The following MAP3K5 variants were observed in gnomAD, a reference collection of about 807,000 sequenced individuals.
MAP3K5 encodes mitogen-activated protein kinase kinase kinase 5, also known as ASK-1.
A neutral mutation model predicts 158.7 loss-of-function variants in MAP3K5; 56 were observed. That is an observed-to-expected ratio of 0.35 (90% CI 0.28 to 0.44). The LOEUF is 0.44. Ranked by LOEUF, MAP3K5 falls within the 20% of genes least tolerant of loss-of-function variation. The pLI, the probability that MAP3K5 is intolerant of heterozygous loss-of-function variation, is 1.00. For synonymous variants in MAP3K5, 579 were observed against 601.7 expected (o/e 0.96, Z 0.55); for missense variants, 1,294 against 1,674.8 (o/e 0.77, Z 3.97).
chr6:136,714,128 C>T (rs1342145878), intron 2 of MAP3K5, among the ~76,000 whole-genome samples: 1 of 152,040 alleles, frequency 6.6e-6, no homozygotes, highest in African/African-American at 2.4e-5. Context: ...GGAGGCAAAA[C>T]TTTAACAAAA....
In MAP3K5 at chr6:136,698,599, C is replaced by T. The variant is rs55921112; in HGVS notation, c.696G>A (p.Lys232=). 171 of 1,613,954 alleles carry T rather than the reference C, an allele frequency of 1.1e-4. 1 individual carries two copies. In the East Asian group the frequency reaches 2.0e-3, roughly 19 times the overall value. ...TCGGTTGCATGAGCTCTGTCAACCCCTTCATGAAGCTGCTGTCACAGCAGT... is the reference window on the plus strand; with the variant it reads ...TCGGTTGCATGAGCTCTGTCAACCCTTTCATGAAGCTGCTGTCACAGCAGT... ...KVYCCDSSFM[K]GLTELMQPNF... Residue 232 remains lysine, a synonymous_variant, in exon 4 of 30, where the codon AAG becomes AAA. Coordinates refer to ENST00000359015, the MANE Select transcript of MAP3K5 (RefSeq NM_005923.4).
chr6:136,664,737 C>G (rs150336003), intron 8 of MAP3K5, among the ~76,000 whole-genome samples: 1 of 152,186 alleles, frequency 6.6e-6, no homozygotes, highest in East Asian at 1.9e-4. Flanking sequence ...TCAAGACCAG[C>G]TTGGCCAACA....
chr6:136,644,527 C>T (rs1442423765), intron 11 of MAP3K5, among the ~76,000 whole-genome samples: 1 of 152,134 alleles, frequency 6.6e-6, no homozygotes, highest in Non-Finnish European at 1.5e-5. Flanking sequence ...GATCCCAGGC[C>T]CCAGTTAGGG....
At chr6:136,559,258 A>G (rs1830393867) in intron 28 of MAP3K5, among the ~76,000 whole-genome samples, 1 of 152,236 alleles carries the variant, frequency 6.6e-6, no homozygotes, top group African/African-American at 2.4e-5. Context: ...AGGCTGAGGC[A>G]GGAGAATCGC....
chr6:136,779,442 CAAA>C (rs35110376), intron 1 of MAP3K5, among the ~76,000 whole-genome samples: 6 of 101,040 alleles, frequency 5.9e-5, no homozygotes, highest in Non-Finnish European at 3.9e-5. Context: ...CACCCTGTCT[CAAA>C]AAAAAAAAAA....
At chr6:136,734,503 A>G (rs1782371142) in intron 1 of MAP3K5, among the ~76,000 whole-genome samples, 1 of 150,936 alleles carries the variant, frequency 6.6e-6, no homozygotes, top group Admixed American at 6.6e-5. Flanking sequence ...ACGGCAAACT[A>G]TTTTTCTCCT....
chr6:136,787,927 T>G (rs1401996384), intron 1 of MAP3K5, among the ~76,000 whole-genome samples: 1 of 152,232 alleles, frequency 6.6e-6, no homozygotes, highest in Non-Finnish European at 1.5e-5. Flanking sequence ...TGAGTATGGC[T>G]TGCAAGCTAA....
intron 7 of MAP3K5, among the ~76,000 whole-genome samples, chr6:136,693,327 CT>C (rs1378364111): frequency 6.6e-6 from 1 of 152,170 alleles, no homozygotes; most frequent in East Asian, 1.9e-4. Flanking sequence ...TATAATGAGT[CT>C]TGTTAACTGG....
intron 7 of MAP3K5, among the ~76,000 whole-genome samples, chr6:136,685,566 A>C (rs1199270196): frequency 6.6e-6 from 1 of 152,196 alleles, no homozygotes; most frequent in Admixed American, 6.5e-5. Flanking sequence ...TCGATGAGCC[A>C]TTGTAATCAC....
At chr6:136,592,678 A>G (rs1359710133) in intron 21 of MAP3K5, 64 bp from the exon 22 acceptor site, 1 of 1,329,148 alleles carries the variant, frequency 7.5e-7, no homozygotes, top group South Asian at 1.2e-5. Context: ...ATACTGAAAC[A>G]CCCATTGAAA....
At chr6:136,750,986 G>A (rs1047668233) in intron 1 of MAP3K5, among the ~76,000 whole-genome samples, 1 of 152,108 alleles carries the variant, frequency 6.6e-6, no homozygotes, top group Non-Finnish European at 1.5e-5. Flanking sequence ...CCTCTCTTTT[G>A]GGACCCTTCT....
chr6:136,770,036 T>C (rs1227401597), intron 1 of MAP3K5, among the ~76,000 whole-genome samples: 5 of 152,160 alleles, frequency 3.3e-5, no homozygotes. Flanking sequence ...AGACTGCTAC[T>C]CAGTTTGCCT....
chr6:136,623,847 G>A (rs1211872480), intron 14 of MAP3K5, among the ~76,000 whole-genome samples: 2 of 152,130 alleles, frequency 1.3e-5, no homozygotes, highest in Non-Finnish European at 2.9e-5. Flanking sequence ...TTTAAAACTG[G>A]CAGTCCATAG....
At chr6:136,590,140 C>T (rs1051107747) in intron 23 of MAP3K5, among the ~76,000 whole-genome samples, 6 of 152,150 alleles carry the variant, frequency 3.9e-5, no homozygotes, top group Non-Finnish European at 8.8e-5. Flanking sequence ...TCCACTCAAG[C>T]CCCACTGCCT....
intron 7 of MAP3K5, among the ~76,000 whole-genome samples, chr6:136,670,968 A>G (rs949592433): frequency 7.9e-5 from 12 of 152,222 alleles, no homozygotes; most frequent in African/African-American, 2.9e-4. Flanking sequence ...TCGAAACTAT[A>G]TCAAGGCAAG....
At chr6:136,737,944 A>G (rs960030533) in intron 1 of MAP3K5, among the ~76,000 whole-genome samples, 1 of 152,206 alleles carries the variant, frequency 6.6e-6, no homozygotes, top group Non-Finnish European at 1.5e-5. Context: ...TTCAGGATGC[A>G]GGGCCTGGGA....
chr6:136,733,789 T>A (rs893431941), intron 1 of MAP3K5, among the ~76,000 whole-genome samples: 1 of 151,814 alleles, frequency 6.6e-6, no homozygotes, highest in Non-Finnish European at 1.5e-5. Context: ...TGAGCCTACA[T>A]TGACACATCA....
chr6:136,604,411 A>AAAAT (rs530785576), intron 19 of MAP3K5, among the ~76,000 whole-genome samples: 28 of 152,200 alleles, frequency 1.8e-4, no homozygotes, highest in East Asian at 1.7e-3. Context: ...GGGAGCACAA[A>AAAAT]AAATAAATAA....
chr6:136,564,635 A>G (rs750704913), intron 26 of MAP3K5, among the ~76,000 whole-genome samples: 18 of 152,248 alleles, frequency 1.2e-4, no homozygotes, highest in Admixed American at 2.0e-4. Context: ...CTCAAGGAAC[A>G]CAGTGATGTT....
Sources: allele counts gnomAD v4.1 joint callset (sites outside exome capture counted in the v4.1 genomes callset), GRCh38; gene constraint gnomAD v4.1.1; transcripts MANE v1.5; gene names NCBI Gene and HGNC (gene_info 2026-07-23, HGNC 2026-07-21).